ASPSCR1: variants seen among roughly 807,000 people sequenced by gnomAD.
ASPSCR1 encodes tether containing UBX domain for GLUT4.
Under a neutral mutation model 68.9 loss-of-function variants are expected in ASPSCR1, and 55 were observed. The observed-to-expected ratio is 0.80, with a 90% CI of 0.64 to 1.00. The LOEUF is 1.00. ASPSCR1 is among the 50% of genes least tolerant of loss of function. The pLI, the probability that ASPSCR1 is intolerant of heterozygous loss-of-function variation, is 0.00. For missense variants in ASPSCR1, 765 were observed against 762.2 expected (o/e 1.00, Z -0.04); for synonymous variants, 352 against 332.6 (o/e 1.06, Z -0.63).
chr17:81,999,032 C>T lies in ASPSCR1; in HGVS notation c.933+2186C>T, dbSNP rs1463221535. Among the ~76,000 whole-genome samples, 2 of 152,248 alleles carry T rather than the reference C, an allele frequency of 1.3e-5. No individual in the cohort carries two copies. Among genetic ancestry groups the T allele is most frequent in the African/African-American group, 4.8e-5 (2 of 41,470 alleles). ...TTTTCCTTTGTCCCTGTCCTGACCC[C>T]GCATCAGAGCCCTGCACCTGGGCTG... On this transcript the variant is annotated intron_variant, in intron 7 of 15. Transcript: ENST00000306739. This position sits in a 1 kb window ranked among gnomAD's most constrained non-coding sequence, Gnocchi z 4.4.
rs1303245937 is a variant in ASPSCR1 at position 81,996,726 on chromosome 17, G to A, written c.813G>A (p.Lys271=). ...CATCATCTTCAGCTAAGTTGCCGAA[G>A]TCCCTCTCCAGCCCTGGAGGCCCCT... The part of the protein sequence containing the change: ...PLTSSSAKLP[K]SLSSPGGPSK... Residue 271 remains lysine (K), a synonymous_variant, in exon 7 of 16, where the codon AAG becomes AAA. Coordinates refer to ENST00000306739, the MANE Select transcript of ASPSCR1 (RefSeq NM_024083.4). The A allele has an allele frequency of 5.0e-6, 8 of 1,613,438 alleles. No homozygotes were observed. Among genetic ancestry groups the A allele is most frequent in the Non-Finnish European group, 8.5e-7 (1 of 1,180,002 alleles).
At position 81,994,858 on chromosome 17, in the gene ASPSCR1, T is replaced by G. The variant is rs2042284178; in HGVS notation, c.412T>G (p.Cys138Gly). The G allele has an allele frequency of 6.2e-7, 1 of 1,613,216 alleles. No homozygotes were observed. Among genetic ancestry groups the G allele is most frequent in the Non-Finnish European group, 8.5e-7 (1 of 1,179,888 alleles). Residue 138 changes from cysteine (C) to glycine (G), a missense_variant, in exon 5 of 16, where the codon TGC (cysteine) becomes GGC (glycine). Coordinates refer to ENST00000306739, the MANE Select transcript of ASPSCR1 (RefSeq NM_024083.4). ...LQHPGGATPV[C>G]VYTRDEVTGE... ...GCACCCCGGCGGGGCCACCCCAGTC[T>G]GCGTGTACACGAGGGATGAGGTAGG...
chr17:81,978,032 G>A (rs1205746477), intron 1 of ASPSCR1: 4 of 226,670 alleles, frequency 1.8e-5, no homozygotes, highest in Non-Finnish European at 3.4e-5. Context: ...GCGCCCGGCC[G>A]AGCCCAGCTC....
chr17:81,985,869 G>A (rs1463060182), intron 4 of ASPSCR1, among the ~76,000 whole-genome samples: 1 of 152,206 alleles, frequency 6.6e-6, no homozygotes, highest in African/African-American at 2.4e-5. Flanking sequence ...GAGCAGGAAT[G>A]TGCTTCTGTC....
In ASPSCR1 at chr17:81,986,564, T is replaced by C. The variant is rs1479569362; in HGVS notation, c.374+957T>C. Reference sequence around the variant, plus strand: ...CTTTTCATCGTTGGCTGGAAGTCTCTGTCCACAGTAAAAGGCTCAGCAGAA... The same window carrying C: ...CTTTTCATCGTTGGCTGGAAGTCTCCGTCCACAGTAAAAGGCTCAGCAGAA... On this transcript the variant is annotated intron_variant, in intron 4 of 15. Transcript: ENST00000306739. The surrounding 1 kb of genome is among the most constrained non-coding windows in gnomAD (Gnocchi z 5.2). Among the ~76,000 whole-genome samples, 3 of 152,252 alleles carry C rather than the reference T, an allele frequency of 2.0e-5. No homozygotes were observed.
Position 82,010,286 on chromosome 17 carries a change from T to C in ASPSCR1, c.1171-516T>C, listed in dbSNP as rs555719636. On this transcript the variant is annotated intron_variant, in intron 9 of 15. Coordinates refer to ENST00000306739, the MANE Select transcript of ASPSCR1 (RefSeq NM_024083.4). ...GGCTCACGCCTGTAATCCCAGCACT[T>C]TGGGAGGCCAAGGTGGGCGGATCAT... is the stretch of plus-strand genomic sequence containing the variant. 2.0e-5 allele frequency among the ~76,000 whole-genome samples: 3 copies of C among 150,494 alleles called. No individual in the cohort carries two copies. In the South Asian group the frequency reaches 6.3e-4, roughly 32 times the overall value.
chr17:81,996,075 G>C lies in ASPSCR1; in HGVS notation c.506+10G>C. ...GCAGCGCCACCATCAGGTAAGGGCA[G>C]TGCTGCTGGGGCCGAGGAGTCTATT... is the stretch of plus-strand genomic sequence containing the variant. On this transcript the variant is annotated intron_variant, in intron 6 of 15. Transcript: ENST00000306739. 1.3e-6 allele frequency: 2 copies of C among 1,598,636 alleles called. No individual in the cohort carries two copies. The highest frequency in any genetic ancestry group is 2.2e-5 in the South Asian group (2 of 89,166).
chr17:82,017,198 G>A, intron 15 of ASPSCR1, 85 bp downstream of exon 15: 5 of 1,582,600 alleles, frequency 3.2e-6, no homozygotes, highest in Non-Finnish European at 4.3e-6. Flanking sequence ...GTGGGCTGGG[G>A]GGCTAGGTGC....
chr17:81,979,925 G>T (rs766563404), intron 2 of ASPSCR1, among the ~76,000 whole-genome samples: 1 of 152,212 alleles, frequency 6.6e-6, no homozygotes, highest in Admixed American at 6.5e-5. Flanking sequence ...TAGGATGTGC[G>T]TGTCTATCCC....
At chr17:81,996,334 G>GCGGGAGAGGGTGAGCCTGGGC (rs1226733770) in intron 6 of ASPSCR1, 86 bp from the exon 7 acceptor site, 4 of 1,508,450 alleles carry the variant, frequency 2.7e-6, no homozygotes, top group East Asian at 4.6e-5. Context: ...TGAGCCGGGG[G>GCGGGAGAGGGTGAGCCTGGGC]CGGGAGAGGG....
intron 12 of ASPSCR1, chr17:82,013,038 G>T (rs2043002838): frequency 6.6e-6 from 1 of 152,236 alleles, no homozygotes; most frequent in Non-Finnish European, 1.5e-5. Context: ...CTCTACAGAG[G>T]CCTGGGTTGG....
chr17:81,979,315 T>C lies in ASPSCR1; in HGVS notation c.158+76T>C. 3 of 1,518,972 alleles carry C rather than the reference T, an allele frequency of 2.0e-6. No homozygotes were observed. In the Admixed American group the frequency reaches 5.0e-5, roughly 26 times the overall value. The allele number at this position is 1,518,972 out of a possible 1,614,324, so 94.1% of individuals were successfully genotyped here. ...CCCCCTGAACATACTGGCTCTCACT[T>C]GGAAAAGCCCCCAGGTGGTTTTAAA... On this transcript the variant is annotated intron_variant, in intron 2 of 15. Coordinates refer to ENST00000306739, the MANE Select transcript of ASPSCR1 (RefSeq NM_024083.4).
At chr17:82,012,595 C>G (rs1014156406) in intron 12 of ASPSCR1, among the ~76,000 whole-genome samples, 3 of 152,108 alleles carry the variant, frequency 2.0e-5, no homozygotes, top group Non-Finnish European at 4.4e-5. Context: ...GGCAGCAGTC[C>G]CTGCCCAGGG....
Position 81,987,156 on chromosome 17 carries a change from G to A in ASPSCR1, c.374+1549G>A, listed in dbSNP as rs966453269. Reference sequence around the variant, plus strand: ...AGGTGACAGAGCCTAAGAGCAAAGCGAAGCCACGGGCAGGGGTGAGCGGGA... The same window carrying A: ...AGGTGACAGAGCCTAAGAGCAAAGCAAAGCCACGGGCAGGGGTGAGCGGGA... On this transcript the variant is annotated intron_variant, in intron 4 of 15. Transcript: ENST00000306739. The surrounding 1 kb of genome is among the most constrained non-coding windows in gnomAD (Gnocchi z 5.6). Among the ~76,000 whole-genome samples, 1 of 140,940 alleles carries A rather than the reference G, an allele frequency of 7.1e-6. No individual in the cohort carries two copies. The highest frequency in any genetic ancestry group is 1.5e-5 in the Non-Finnish European group (1 of 66,468). The allele number at this position is 140,940 out of a possible 152,430, so 92.5% of individuals were successfully genotyped here. A position where few individuals can be genotyped will look rare whatever the true frequency, so the allele number is the denominator to read the frequency against.
At position 82,016,990 on chromosome 17, in the gene ASPSCR1, C is replaced by A. The variant is rs1316760943; in HGVS notation, c.1525C>A (p.Pro509Thr). The stretch of plus-strand genomic sequence containing the variant: ...CCCTTCCCCATTGCCAGCCCCTGAC[C>A]CTGCACCTAAGTCTGAGCCAGCTGC... ...GSPSPLPAPD[P>T]APKSEPAAEE... Residue 509 changes from proline to threonine, a missense_variant, in exon 15 of 16, where the codon CCT (proline) becomes ACT (threonine). Physicochemically the swap from Pro to Thr is conservative, Grantham distance 38 (BLOSUM62 -1). Coordinates refer to ENST00000306739, the MANE Select transcript of ASPSCR1 (RefSeq NM_024083.4). 6.2e-7 allele frequency: 1 copy of A among 1,612,628 alleles called. No homozygotes were observed. The highest frequency in any genetic ancestry group is 1.1e-5 in the South Asian group (1 of 91,056).
In ASPSCR1 at chr17:81,994,808, C is replaced by T. The variant is rs767117214; in HGVS notation, c.375-13C>T. ...CCCTGGGGTACCTGATGGTTTCTTTCCTCTCCTCCCAGGGAGTGCCTGCAG... is the reference window on the plus strand; with the variant it reads ...CCCTGGGGTACCTGATGGTTTCTTTTCTCTCCTCCCAGGGAGTGCCTGCAG... On this transcript the variant is annotated splice_polypyrimidine_tract_variant and intron_variant, in intron 4 of 15. Transcript: ENST00000306739. 6.2e-7 allele frequency: 1 copy of T among 1,612,952 alleles called. No individual in the cohort carries two copies. Among genetic ancestry groups the T allele is most frequent in the Non-Finnish European group, 8.5e-7 (1 of 1,179,704 alleles).
intron 4 of ASPSCR1, among the ~76,000 whole-genome samples, chr17:81,988,410 G>A (rs2042063244): frequency 6.6e-6 from 1 of 150,990 alleles, no homozygotes; most frequent in African/African-American, 2.4e-5. Flanking sequence ...AGCTGAGATT[G>A]CGCCACTGCA....
Position 82,015,700 on chromosome 17 carries a change from C to T in ASPSCR1, c.1354-776C>T, listed in dbSNP as rs2144106430. The T allele has an allele frequency of 9.1e-6, 3 of 328,054 alleles. No individual in the cohort carries two copies. In the South Asian group the frequency reaches 1.2e-4, roughly 13 times the overall value. 20.3% of individuals were successfully genotyped at this position (328,054 alleles called of 1,614,324 possible). ...GCAGCCTGGGTGTGAATCTTGGAGG[C>T]CCGGTGGTGGCGGAGCATGCTCTCC... is the stretch of plus-strand genomic sequence containing the variant. On this transcript the variant is annotated intron_variant, in intron 12 of 15. Transcript: ENST00000306739.
At chr17:81,984,193 G>A (rs538896678) in intron 3 of ASPSCR1, among the ~76,000 whole-genome samples, 27 of 152,132 alleles carry the variant, frequency 1.8e-4, no homozygotes, top group African/African-American at 6.3e-4. Flanking sequence ...CTTTCTTTCT[G>A]GGGTCAGTTG....
Sources: allele counts gnomAD v4.1 joint callset (sites outside exome capture counted in the v4.1 genomes callset), GRCh38; gene constraint gnomAD v4.1.1; non-coding constraint Gnocchi (gnomAD v3.1); transcripts MANE v1.5; gene names NCBI Gene and HGNC (gene_info 2026-07-23, HGNC 2026-07-21).